The following LRP1B variants were observed in gnomAD, a reference collection of about 807,000 sequenced individuals.
The protein encoded by LRP1B is LDL receptor related protein 1B, also known as low-density lipoprotein receptor-related protein 1B.
Under a neutral mutation model 556.6 loss-of-function variants are expected in LRP1B, and 217 were observed. That is an observed-to-expected ratio of 0.39 (90% CI 0.35 to 0.44). The LOEUF (loss-of-function observed/expected upper bound fraction) is 0.44. LRP1B is among the 20% of genes least tolerant of loss of function. The pLI is 1.00. For missense variants in LRP1B, 5,053 were observed against 5,620.8 expected, an observed-to-expected ratio of 0.90 and a Z score of 3.23; for synonymous variants, 2,047 against 1,865.8, an observed-to-expected ratio of 1.10 and a Z score of -2.50.
At chr2:141,508,425 T>C (rs1023907085) in intron 2 of LRP1B, among the ~76,000 whole-genome samples, 2 of 152,188 alleles carry the variant, frequency 1.3e-5, no homozygotes, top group African/African-American at 4.8e-5. Flanking sequence ...TTGACACTTT[T>C]CCAGAACTTG....
At chr2:140,837,106 A>C (rs910552809) in intron 31 of LRP1B, among the ~76,000 whole-genome samples, 2 of 152,180 alleles carry the variant, frequency 1.3e-5, no homozygotes, top group African/African-American at 2.4e-5. Context: ...CCTAATGTAC[A>C]TACTACCGCT....
chr2:140,823,696 A>G (rs1054618502), intron 31 of LRP1B, among the ~76,000 whole-genome samples: 8 of 151,702 alleles, frequency 5.3e-5, no homozygotes, highest in Non-Finnish European at 1.5e-5. Context: ...TATTAAATAT[A>G]GTTTATATAT....
intron 41 of LRP1B, among the ~76,000 whole-genome samples, chr2:140,661,794 T>C (rs1443039623): frequency 6.6e-6 from 1 of 152,212 alleles, no homozygotes; most frequent in Non-Finnish European, 1.5e-5. Context: ...CAGTTTGTTG[T>C]CTTTATTTCA....
Position 140,369,546 on chromosome 2 carries a change from C to T in LRP1B, c.11008+1164G>A, listed in dbSNP as rs576796119. ...AGAACTTAGCCTAAGGTAGAAAGAG[C>T]CGTTATAGACATTTAACATTTCATG... On this transcript the variant is annotated intron_variant, in intron 71 of 90. Transcript: ENST00000389484. Among the ~76,000 whole-genome samples, 3 of 151,912 alleles carry T rather than the reference C, an allele frequency of 2.0e-5. No individual in the cohort carries two copies. In the South Asian group the frequency reaches 6.2e-4, roughly 32 times the overall value.
intron 3 of LRP1B, among the ~76,000 whole-genome samples, chr2:141,439,826 A>C (rs1680895796): frequency 6.6e-6 from 1 of 152,246 alleles, no homozygotes. Context: ...TTTTAAAAAG[A>C]AAGTCTGAGT....
intron 32 of LRP1B, among the ~76,000 whole-genome samples, chr2:140,788,932 G>A (rs1690009020): frequency 6.6e-6 from 1 of 152,194 alleles, no homozygotes; most frequent in Non-Finnish European, 1.5e-5. Flanking sequence ...AAAAGACTGT[G>A]AGGACACAAC....
At chr2:140,706,941 GAT>G (rs1442005470) in intron 37 of LRP1B, among the ~76,000 whole-genome samples, 1 of 152,010 alleles carries the variant, frequency 6.6e-6, no homozygotes, top group African/African-American at 2.4e-5. Context: ...ACAAAGCTCT[GAT>G]TTTTGTGTGA....
At chr2:140,431,750 A>T (rs1405311149) in intron 66 of LRP1B, among the ~76,000 whole-genome samples, 1 of 152,090 alleles carries the variant, frequency 6.6e-6, no homozygotes, top group Non-Finnish European at 1.5e-5. Context: ...CCAGGCCATG[A>T]CCAATAATTC....
At chr2:140,393,332 T>A (rs1410305532) in intron 66 of LRP1B, among the ~76,000 whole-genome samples, 1 of 150,394 alleles carries the variant, frequency 6.6e-6, no homozygotes, top group Non-Finnish European at 1.5e-5. Context: ...AATTATATAT[T>A]GTTTCACTAT....
chr2:141,000,055 C>T (rs572903710), intron 15 of LRP1B, among the ~76,000 whole-genome samples: 1 of 152,022 alleles, frequency 6.6e-6, no homozygotes, highest in East Asian at 2.0e-4. Flanking sequence ...CTTGGGTCTA[C>T]AAGCGTGCAC....
chr2:140,923,169 G>C (rs1694790744), intron 20 of LRP1B, 22 bp from the exon 21 acceptor site: 4 of 1,589,614 alleles, frequency 2.5e-6, no homozygotes, highest in Admixed American at 1.7e-5. Flanking sequence ...ATGAGGAAGA[G>C]AGAAGCAGAG....
chr2:140,811,044 T>C (rs1170098907), intron 32 of LRP1B, among the ~76,000 whole-genome samples: 1 of 152,162 alleles, frequency 6.6e-6, no homozygotes, highest in East Asian at 1.9e-4. Flanking sequence ...CAAGAGGTTT[T>C]TTTTTGTTTT....
At chr2:141,125,821 T>C (rs2105011342) in intron 7 of LRP1B, among the ~76,000 whole-genome samples, 1 of 146,330 alleles carries the variant, frequency 6.8e-6, no homozygotes, top group Admixed American at 7.0e-5. Context: ...TTTTTTAATC[T>C]TGTCTGTAAC....
chr2:140,789,691 C>T (rs1000423367), intron 32 of LRP1B, among the ~76,000 whole-genome samples: 3 of 119,452 alleles, frequency 2.5e-5, no homozygotes, highest in African/African-American at 6.6e-5. Context: ...AGTGCAGTGG[C>T]GGGATCTCGG....
intron 7 of LRP1B, among the ~76,000 whole-genome samples, chr2:141,187,768 G>A (rs1378001148): frequency 6.6e-6 from 1 of 151,638 alleles, no homozygotes. Context: ...ATGGTAAAAA[G>A]ATTAATGAGT....
chr2:141,318,787 C>T (rs1434684253), intron 3 of LRP1B, among the ~76,000 whole-genome samples: 1 of 152,078 alleles, frequency 6.6e-6, no homozygotes, highest in African/African-American at 2.4e-5. Context: ...GATTAGGTAA[C>T]TTATTTTGCA....
chr2:141,923,547 CA>C, intron 1 of LRP1B, among the ~76,000 whole-genome samples: 1 of 138,312 alleles, frequency 7.2e-6, no homozygotes, highest in South Asian at 2.3e-4. Flanking sequence ...GTCTGTATTT[CA>C]GTTTTTTCTT....
At chr2:141,737,264 A>G (rs2105532011) in intron 2 of LRP1B, among the ~76,000 whole-genome samples, 1 of 152,276 alleles carries the variant, frequency 6.6e-6, no homozygotes, top group African/African-American at 2.4e-5. Flanking sequence ...AGGCAGGAGA[A>G]TTGCTTGAAC....
At chr2:141,136,027 T>C (rs1701483713) in intron 7 of LRP1B, among the ~76,000 whole-genome samples, 1 of 151,878 alleles carries the variant, frequency 6.6e-6, no homozygotes, top group Non-Finnish European at 1.5e-5. Flanking sequence ...GTGGACTATA[T>C]TAATTGTTAC....
Sources: allele counts gnomAD v4.1 joint callset (sites outside exome capture counted in the v4.1 genomes callset), GRCh38; gene constraint gnomAD v4.1.1; transcripts MANE v1.5; gene names NCBI Gene and HGNC (gene_info 2026-07-23, HGNC 2026-07-21).